The following MFSD12 variants were observed in gnomAD, a reference collection of about 807,000 sequenced individuals.
MFSD12 encodes the protein major facilitator superfamily domain-containing protein 12.
MFSD12 carries 67 observed loss-of-function variants against 51.2 expected under a neutral mutation model. The observed-to-expected ratio is 1.31, with a 90% CI of 1.08 to 1.60. The LOEUF is 1.60. MFSD12 is among the 40% of genes most tolerant of loss of function. MFSD12 has a pLI of 0.00. For synonymous variants in MFSD12, 441 were observed against 316.7 expected, an observed-to-expected ratio of 1.39 and a Z score of -4.17; for missense variants, 921 against 673.0, an observed-to-expected ratio of 1.37 and a Z score of -4.08.
chr19:3,548,210 C>A lies in MFSD12; in HGVS notation c.567G>T (p.Leu189=). 1 of 1,561,500 alleles carries A rather than the reference C, an allele frequency of 6.4e-7. No homozygotes were observed. The highest frequency in any genetic ancestry group is 8.7e-7 in the Non-Finnish European group (1 of 1,154,140). The change falls in exon 3 of 10, where the codon CTG becomes CTT. Residue 189 remains leucine, a synonymous_variant. Transcript: ENST00000355415. The stretch of plus-strand genomic sequence containing the variant: ...CCACCCGCGACGAGCCCTGCAGGTG[C>A]AGCAGGAGCCAGGCGGCGCCGTAGA... ...ITVYGAAWLL[L]HLQGSSRVEP...
chr19:3,539,488 C>T (rs2030180818), downstream of MFSD12: 3 of 539,658 alleles, frequency 5.6e-6, no homozygotes, highest in Admixed American at 9.3e-5. Context: ...GTGTCTGCGG[C>T]CGTCTCCAAG....
chr19:3,544,175 C>T (rs1298614401), downstream of MFSD12: 3 of 1,371,204 alleles, frequency 2.2e-6, no homozygotes, highest in East Asian at 2.8e-5. Context: ...CCAGAGCCCC[C>T]CCGCAGGCAG....
At chr19:3,543,792 A>T (rs1599816489), downstream of MFSD12, 3 of 1,496,118 alleles carry the variant, frequency 2.0e-6, no homozygotes, top group East Asian at 7.5e-5. Flanking sequence ...AACGGCGAGG[A>T]GGTGGGGGCA....
At chr19:3,553,952 C>T (rs190447217) in intron 1 of MFSD12, among the ~76,000 whole-genome samples, 7 of 147,958 alleles carry the variant, frequency 4.7e-5, no homozygotes, top group Admixed American at 2.0e-4. Flanking sequence ...CATGGTGGCA[C>T]GAGCCTGTAG....
chr19:3,545,266 A>G lies in MFSD12; in HGVS notation c.1290-327T>C, dbSNP rs1399526438. Among the ~76,000 whole-genome samples, 3 of 152,244 alleles carry G rather than the reference A, an allele frequency of 2.0e-5. No individual in the cohort carries two copies. The East Asian group carries it at 5.8e-4, about 29-fold the overall frequency. ...CTGTCCTCCCGGCAGCAACCACCAG[A>G]GGGCGTCTGTGAGCGCCTGGGTCAG... On this transcript the variant is annotated intron_variant, in intron 8 of 9. Transcript: ENST00000355415.
Position 3,551,347 on chromosome 19 carries a change from G to A in MFSD12, c.299-153C>T, listed in dbSNP as rs549839388. 3.3e-5 allele frequency among the ~76,000 whole-genome samples: 5 copies of A among 152,314 alleles called. No individual in the cohort carries two copies. Among genetic ancestry groups the A allele is most frequent in the East Asian group, 3.9e-4 (2 of 5,186 alleles). On this transcript the variant is annotated intron_variant, in intron 1 of 9. Coordinates refer to ENST00000355415, the MANE Select transcript of MFSD12 (RefSeq NM_174983.5). The surrounding 1 kb of genome is among the most constrained non-coding windows in gnomAD (Gnocchi z 4.6). ...CACGCAGGAGCGAGGGTCTGCAGTC[G>A]GGGTCCCCCAGGCTTATGGCCCCTG...
At chr19:3,555,938 T>C (rs1251228349) in intron 1 of MFSD12, among the ~76,000 whole-genome samples, 6 of 152,134 alleles carry the variant, frequency 3.9e-5, no homozygotes, top group Non-Finnish European at 8.8e-5. Context: ...CCTGCAGTCT[T>C]ATCGATGGGC....
At position 3,547,465 on chromosome 19, in the gene MFSD12, T is replaced by C; in HGVS notation, c.920A>G (p.His307Arg). The C allele has an allele frequency of 1.2e-6, 2 of 1,612,800 alleles. No homozygotes were observed. Among genetic ancestry groups the C allele is most frequent in the African/African-American group, 1.3e-5 (1 of 74,928 alleles). Residue 307 changes from histidine (H) to arginine (R), a missense_variant, in exon 5 of 10, where the codon CAC (histidine) becomes CGC (arginine). His to Arg is a conservative substitution (Grantham distance 29). Coordinates refer to ENST00000355415, the MANE Select transcript of MFSD12 (RefSeq NM_174983.5). ...YMAMYLTYSL[H>R]LPKKFIATIP... ...CCCCAATCTGCTCACCTTGGGCAGGTGGAGCGAGTAGGTGAGGTACATGGC... is the reference window on the plus strand; with the variant it reads ...CCCCAATCTGCTCACCTTGGGCAGGCGGAGCGAGTAGGTGAGGTACATGGC...
At chr19:3,542,267 C>A (rs899343537), downstream of MFSD12, 33 of 985,310 alleles carry the variant, frequency 3.3e-5, no homozygotes, top group Non-Finnish European at 3.7e-5. Flanking sequence ...CCAGGCTACT[C>A]CCATGTTCTG....
chr19:3,557,567 C>A lies in MFSD12; in HGVS notation c.-164G>T, dbSNP rs917663494. ...CGCCCTCACCCACGTCCGCCGCGTC[C>A]GCCCCACGCTCGACTCTGCAGCCGC... On this transcript the variant is annotated 5_prime_UTR_variant, in exon 1 of 10. Transcript: ENST00000355415. The A allele has an allele frequency of 2.1e-3, 615 of 288,738 alleles. 4 individuals carry two copies. The highest frequency in any genetic ancestry group is 3.0e-3 in the Non-Finnish European group (521 of 173,828). 17.9% of individuals were successfully genotyped at this position (288,738 alleles called of 1,614,324 possible).
chr19:3,546,330 C>G lies in MFSD12; in HGVS notation c.1119G>C (p.Val373=). 6.2e-7 allele frequency: 1 copy of G among 1,608,462 alleles called. No individual in the cohort carries two copies. Among genetic ancestry groups the G allele is most frequent in the Non-Finnish European group, 8.5e-7 (1 of 1,178,260 alleles). Residue 373 remains valine, a synonymous_variant, in exon 7 of 10, where the codon GTG becomes GTC. Transcript: ENST00000355415. ...TGGTGGCACAGCCAGCACCCAGCAGCACAGCCGCTGCGTACACGGCCACAC... is the reference window on the plus strand; with the variant it reads ...TGGTGGCACAGCCAGCACCCAGCAGGACAGCCGCTGCGTACACGGCCACAC... The part of the protein sequence containing the change: ...GLGVAVYAAA[V]LLGAGCATIL...
rs753147878 is a variant in MFSD12 at position 3,551,510 on chromosome 19, C to G, written c.299-316G>C. 6.6e-6 allele frequency among the ~76,000 whole-genome samples: 1 copy of G among 152,172 alleles called. No homozygotes were observed. The highest frequency in any genetic ancestry group is 2.1e-4 in the South Asian group (1 of 4,834). ...CCGCAGCCTCCCCCAGCTCCTCCCC[C>G]TCGGCCACTATCAAGCCTCCCATAG... On this transcript the variant is annotated intron_variant, in intron 1 of 9. Transcript: ENST00000355415. The surrounding 1 kb of genome is among the most constrained non-coding windows in gnomAD (Gnocchi z 4.6).
chr19:3,538,318 CT>C (rs1334809336), exon 5 of MFSD12: 1 of 171,502 alleles, frequency 5.8e-6, no homozygotes, highest in African/African-American at 2.4e-5. Context: ...AATACAAAAT[CT>C]ACCGTCTTAC....
downstream of MFSD12, chr19:3,541,858 G>C (rs1399160573): frequency 1.1e-6 from 1 of 934,624 alleles, no homozygotes; most frequent in Admixed American, 6.2e-5. Context: ...ACCCAGGCTG[G>C]AGTGCAGTGA....
chr19:3,539,636 C>T (rs750455999), downstream of MFSD12: 1 of 229,400 alleles, frequency 4.4e-6, no homozygotes, highest in African/African-American at 2.3e-5. Context: ...TGGGCAACCC[C>T]AGGCACTCCT....
In MFSD12 at chr19:3,548,144, GC is replaced by G; in HGVS notation, c.632del (p.Gly211AlafsTer75). ...TCACCCGGAACACGGGCACGTCCTG[GC>G]CCCCCAGCTGGTCGCTGATGCTGAT... ...QDISISDQLGGQDVPVFRNLS... is the reference protein window; with the variant it reads ...QDISISDQLGXQDVPVFRNLS... On this transcript the variant is annotated frameshift_variant, in exon 3 of 10. Transcript: ENST00000355415. LOFTEE classifies it high-confidence loss of function. 1 of 1,606,692 alleles carries G rather than the reference GC, an allele frequency of 6.2e-7. No homozygotes were observed.
intron 8 of MFSD12, among the ~76,000 whole-genome samples, chr19:3,545,414 C>G (rs2030919948): frequency 6.6e-6 from 1 of 151,058 alleles, no homozygotes; most frequent in Non-Finnish European, 1.5e-5. Context: ...TCCCTCTACT[C>G]CAGCCACACA....
downstream of MFSD12, chr19:3,542,220 G>A: frequency 1.0e-6 from 1 of 985,444 alleles, no homozygotes; most frequent in Non-Finnish European, 1.2e-6. Context: ...GAAAAGCCGA[G>A]TCTATGTGGG....
chr19:3,551,384 G>T lies in MFSD12; in HGVS notation c.299-190C>A, dbSNP rs1049345199. 2.0e-5 allele frequency among the ~76,000 whole-genome samples: 3 copies of T among 152,210 alleles called. No individual in the cohort carries two copies. The highest frequency in any genetic ancestry group is 4.8e-5 in the African/African-American group (2 of 41,450). On this transcript the variant is annotated intron_variant, in intron 1 of 9. Transcript: ENST00000355415. This position sits in a 1 kb window ranked among gnomAD's most constrained non-coding sequence, Gnocchi z 4.6. ...GCTTATGGCCCCTGGTGACAAAAGG[G>T]GAATCTGACACCAGGTGCCTGGGCT... is the stretch of plus-strand genomic sequence containing the variant.
Sources: allele counts gnomAD v4.1 joint callset (sites outside exome capture counted in the v4.1 genomes callset), GRCh38; gene constraint gnomAD v4.1.1; non-coding constraint Gnocchi (gnomAD v3.1); transcripts MANE v1.5; gene names NCBI Gene and HGNC (gene_info 2026-07-23, HGNC 2026-07-21).